Variants in KCNIP4 observed in about 807,000 individuals in gnomAD.
The protein encoded by KCNIP4 is potassium voltage-gated channel interacting protein 4, also known as Kv channel-interacting protein 4.
In KCNIP4, 12 loss-of-function variants were observed where a neutral mutation model predicts 34.0. The ratio of observed to expected loss-of-function variants is 0.35; its 90% confidence interval spans 0.23 to 0.57. The LOEUF is 0.57. Among genes scored for constraint, KCNIP4 ranks in the 20% least tolerant of loss-of-function variants. The pLI is 0.83. For synonymous variants in KCNIP4, 124 were observed against 102.2 expected (o/e 1.21, Z -1.29); for missense variants, 238 against 311.7 (o/e 0.76, Z 1.78).
chr4:21,035,682 C>T (rs1032280281), intron 1 of KCNIP4, among the ~76,000 whole-genome samples: 5 of 152,170 alleles, frequency 3.3e-5, no homozygotes, highest in African/African-American at 9.6e-5. Context: ...TTTATTGAGG[C>T]TTTATAATGT....
At chr4:21,081,014 A>T (rs1042302150) in intron 1 of KCNIP4, among the ~76,000 whole-genome samples, 2 of 151,872 alleles carry the variant, frequency 1.3e-5, no homozygotes, top group Non-Finnish European at 2.9e-5. Context: ...TTCAACTTTA[A>T]TTTAAATAAC....
chr4:20,796,362 G>A (rs1713466276), intron 3 of KCNIP4, among the ~76,000 whole-genome samples: 1 of 152,102 alleles, frequency 6.6e-6, no homozygotes, highest in Non-Finnish European at 1.5e-5. Context: ...GGGCTGGAGT[G>A]CGCTGGTGTG....
intron 1 of KCNIP4, among the ~76,000 whole-genome samples, chr4:20,917,372 G>T (rs183822265): frequency 5.1e-4 from 78 of 151,746 alleles, no homozygotes; most frequent in African/African-American, 1.7e-3. Flanking sequence ...CTCTTTTCCC[G>T]ACAGGGGTCA....
chr4:20,996,777 TGCCTCTTA>T (rs909896427), intron 1 of KCNIP4, among the ~76,000 whole-genome samples: 39 of 152,032 alleles, frequency 2.6e-4, no homozygotes, highest in African/African-American at 9.2e-4. Flanking sequence ...TTTTTTTAAA[TGCCTCTTA>T]GCACGTTCAT....
At chr4:21,137,987 T>C (rs563426147) in intron 1 of KCNIP4, among the ~76,000 whole-genome samples, 28 of 151,282 alleles carry the variant, frequency 1.9e-4, no homozygotes, top group African/African-American at 6.8e-4. Context: ...TTCTCCTTCC[T>C]CAGCCTCCCG....
intron 1 of KCNIP4, among the ~76,000 whole-genome samples, chr4:20,984,834 A>G (rs1384306775): frequency 6.6e-6 from 1 of 152,204 alleles, no homozygotes; most frequent in African/African-American, 2.4e-5. Flanking sequence ...AAAGTTTCAC[A>G]AACTTCCCTG....
intron 1 of KCNIP4, among the ~76,000 whole-genome samples, chr4:21,564,980 C>T (rs756672282): frequency 3.9e-5 from 6 of 152,154 alleles, no homozygotes; most frequent in Non-Finnish European, 7.4e-5. Context: ...GGCCACACTT[C>T]TAACAGTGAG....
chr4:20,926,781 A>C (rs1240646745), intron 1 of KCNIP4, among the ~76,000 whole-genome samples: 2 of 152,124 alleles, frequency 1.3e-5, no homozygotes. Flanking sequence ...AATTTAGAAA[A>C]GCTTCTCTTG....
At chr4:21,735,194 T>C (rs1715898054) in intron 1 of KCNIP4, among the ~76,000 whole-genome samples, 1 of 151,826 alleles carries the variant, frequency 6.6e-6, no homozygotes, top group African/African-American at 2.4e-5. Flanking sequence ...AAGTACCAAG[T>C]GTGGGAGTGC....
rs1461549673 is a variant in KCNIP4, at chr4:20,882,625, G to A, written c.146C>T (p.Ser49Leu). Residue 49 changes from serine (S) to leucine (L), a missense_variant, in exon 2 of 9, where the codon TCG (serine) becomes TTG (leucine). Coordinates refer to ENST00000382152, the MANE Select transcript of KCNIP4 (RefSeq NM_025221.6). ...KLLPCSAAKT[S>L]SPAIQNSVED... is the part of the protein sequence containing the mutation. The stretch of plus-strand genomic sequence containing the variant: ...AAACTTGCTTTGAATAGCAGGAGAC[G>A]ACGTTTTGGCAGCTGAGCAGGGCAA... The A allele has an allele frequency of 3.7e-6, 6 of 1,613,094 alleles. No homozygotes were observed. In the African/African-American group the frequency reaches 4.0e-5, roughly 11 times the overall value.
intron 1 of KCNIP4, among the ~76,000 whole-genome samples, chr4:21,155,572 C>T (rs546938598): frequency 6.6e-6 from 1 of 152,200 alleles, no homozygotes; most frequent in African/African-American, 2.4e-5. Flanking sequence ...TAATAAAGAG[C>T]TATTGGACGT....
At chr4:21,264,824 A>C (rs1761694276) in intron 1 of KCNIP4, among the ~76,000 whole-genome samples, 1 of 152,162 alleles carries the variant, frequency 6.6e-6, no homozygotes, top group Admixed American at 6.5e-5. Context: ...AAGGCCAGGC[A>C]CAGTGGCTCA....
At chr4:21,443,570 G>T (rs142236294) in intron 1 of KCNIP4, among the ~76,000 whole-genome samples, 69 of 152,256 alleles carry the variant, frequency 4.5e-4, no homozygotes, top group African/African-American at 1.6e-3. Context: ...AAGGTTTTCT[G>T]CAGAAGGAAT....
At chr4:20,993,227 G>A (rs1737247393) in intron 1 of KCNIP4, among the ~76,000 whole-genome samples, 1 of 152,022 alleles carries the variant, frequency 6.6e-6, no homozygotes, top group Non-Finnish European at 1.5e-5. Context: ...AACAGGGTAT[G>A]AAGATGTCTA....
chr4:21,758,801 T>C (rs1451642163), intron 1 of KCNIP4, among the ~76,000 whole-genome samples: 2 of 152,094 alleles, frequency 1.3e-5, no homozygotes, highest in African/African-American at 4.8e-5. Flanking sequence ...ATGGTAATTA[T>C]TGTCACTATC....
At chr4:21,022,934 C>T (rs528992833) in intron 1 of KCNIP4, among the ~76,000 whole-genome samples, 68 of 152,004 alleles carry the variant, frequency 4.5e-4, no homozygotes, top group Non-Finnish European at 7.4e-4. Context: ...CAAGCAATTC[C>T]GCCTCAGCCT....
At chr4:21,398,889 A>G (rs1466388485) in intron 1 of KCNIP4, among the ~76,000 whole-genome samples, 1 of 152,194 alleles carries the variant, frequency 6.6e-6, no homozygotes, top group Non-Finnish European at 1.5e-5. Flanking sequence ...ATACCTGTGT[A>G]AACTGATCAA....
chr4:21,664,192 A>G (rs996933614), intron 1 of KCNIP4, among the ~76,000 whole-genome samples: 13 of 151,852 alleles, frequency 8.6e-5, no homozygotes, highest in African/African-American at 2.9e-4. Flanking sequence ...CAAGTGATCC[A>G]CCCACCTCAG....
At chr4:21,438,514 G>A (rs1347095061) in intron 1 of KCNIP4, among the ~76,000 whole-genome samples, 1 of 152,086 alleles carries the variant, frequency 6.6e-6, no homozygotes, top group Non-Finnish European at 1.5e-5. Flanking sequence ...TTTCTATTAA[G>A]AGCCAGCTGT....
Sources: gnomAD v4.1 joint callset for allele counts (sites outside exome capture counted in the v4.1 genomes callset) on GRCh38, gnomAD v4.1.1 for gene constraint, MANE v1.5 for transcripts, NCBI Gene and HGNC (gene_info 2026-07-23, HGNC 2026-07-21) for gene names.